TCF7L2: variants seen among roughly 807,000 people sequenced by gnomAD.
TCF7L2 encodes the protein transcription factor 7 like 2, also known as transcription factor 7-like 2.
A neutral mutation model predicts 77.9 loss-of-function variants in TCF7L2; 23 were observed. The observed-to-expected ratio is 0.30, with a 90% CI of 0.21 to 0.42. The LOEUF is 0.42. TCF7L2 is among the 10% of genes least tolerant of loss of function. The pLI is 1.00. For synonymous variants in TCF7L2, 413 were observed against 340.2 expected (o/e 1.21, Z -2.36); for missense variants, 654 against 793.1 (o/e 0.82, Z 2.11).
intron 4 of TCF7L2, among the ~76,000 whole-genome samples, chr10:113,025,589 C>G (rs993278659): frequency 1.3e-5 from 2 of 152,060 alleles, no homozygotes; most frequent in Non-Finnish European, 1.5e-5. Flanking sequence ...CTATGTTGCC[C>G]AGGTTGGTCT....
intron 4 of TCF7L2, among the ~76,000 whole-genome samples, chr10:112,990,521 A>C (rs2042338925): frequency 6.6e-6 from 1 of 151,874 alleles, no homozygotes; most frequent in African/African-American, 2.4e-5. Context: ...AGCCTAGACA[A>C]CATGGCAAAA....
At chr10:113,000,204 A>ATCT (rs1483878200) in intron 4 of TCF7L2, among the ~76,000 whole-genome samples, 4 of 152,178 alleles carry the variant, frequency 2.6e-5, no homozygotes, top group Non-Finnish European at 5.9e-5. Context: ...ATCTGAGACG[A>ATCT]GTCTCACTCT....
At chr10:113,141,040 G>C (rs1174565132) in intron 5 of TCF7L2, 144 bp from the exon 6 acceptor site, 2 of 918,974 alleles carry the variant, frequency 2.2e-6, no homozygotes, top group African/African-American at 1.7e-5. Context: ...GGACTGGGGG[G>C]AGTATGGGAT....
chr10:112,962,374 G>A (rs2035486864), intron 3 of TCF7L2, among the ~76,000 whole-genome samples: 1 of 99,994 alleles, frequency 1.0e-5, no homozygotes, highest in Non-Finnish European at 1.9e-5. Flanking sequence ...TGCCTACTCT[G>A]CTTTGAAGGA....
At chr10:113,002,685 G>T (rs1259801431) in intron 4 of TCF7L2, among the ~76,000 whole-genome samples, 1 of 152,162 alleles carries the variant, frequency 6.6e-6, no homozygotes, top group African/African-American at 2.4e-5. Flanking sequence ...ATGGAAAATA[G>T]CCCTTAGAAC....
At chr10:113,044,615 C>A (rs148739475) in intron 5 of TCF7L2, among the ~76,000 whole-genome samples, 302 of 152,314 alleles carry the variant, frequency 2.0e-3, no homozygotes, top group African/African-American at 6.7e-3. Flanking sequence ...CCAGGGGGAC[C>A]TGATTTCGGC....
At chr10:113,083,291 C>CACACAG (rs1179614829) in intron 5 of TCF7L2, among the ~76,000 whole-genome samples, 1 of 150,408 alleles carries the variant, frequency 6.6e-6, no homozygotes, top group African/African-American at 2.4e-5. Context: ...CACACACACA[C>CACACAG]ACGTGCAAGT....
At chr10:113,113,582 T>A (rs1044497383) in intron 5 of TCF7L2, among the ~76,000 whole-genome samples, 6 of 152,176 alleles carry the variant, frequency 3.9e-5, no homozygotes, top group Non-Finnish European at 1.5e-5. Context: ...TTCACCCCCT[T>A]TAGAATTTGT....
intron 5 of TCF7L2, among the ~76,000 whole-genome samples, chr10:113,044,059 G>C (rs2052975886): frequency 1.3e-5 from 2 of 152,150 alleles, no homozygotes; most frequent in African/African-American, 4.8e-5. Flanking sequence ...TTTTGAAGTC[G>C]ATGTAGAATT....
intron 5 of TCF7L2, among the ~76,000 whole-genome samples, chr10:113,090,640 T>G (rs2060283032): frequency 6.6e-6 from 1 of 152,226 alleles, no homozygotes; most frequent in Admixed American, 6.5e-5. Context: ...AGATAGAGTC[T>G]CGCTCTGTTG....
At chr10:112,970,464 G>T (rs1266901324) in intron 4 of TCF7L2, among the ~76,000 whole-genome samples, 1 of 151,816 alleles carries the variant, frequency 6.6e-6, no homozygotes, top group Non-Finnish European at 1.5e-5. Context: ...ACTAACTGGA[G>T]AGTGTCCTTA....
chr10:112,954,928 C>G (rs1460673162), intron 3 of TCF7L2, among the ~76,000 whole-genome samples: 1 of 152,114 alleles, frequency 6.6e-6, no homozygotes, highest in East Asian at 1.9e-4. Flanking sequence ...TAAAGGAAAC[C>G]GAGAGGGGCC....
At chr10:113,093,479 T>C (rs1214921187) in intron 5 of TCF7L2, among the ~76,000 whole-genome samples, 2 of 152,232 alleles carry the variant, frequency 1.3e-5, no homozygotes, top group Non-Finnish European at 2.9e-5. Context: ...GGAGGAAATT[T>C]TGTTTCAGGA....
intron 3 of TCF7L2, among the ~76,000 whole-genome samples, chr10:112,957,155 C>A (rs1430843514): frequency 7.7e-6 from 1 of 129,642 alleles, no homozygotes; most frequent in South Asian, 2.5e-4. Flanking sequence ...TTTTTCCTTT[C>A]TTTCTCTTTT....
At chr10:113,137,521 G>A (rs2067605340) in intron 5 of TCF7L2, among the ~76,000 whole-genome samples, 1 of 152,186 alleles carries the variant, frequency 6.6e-6, no homozygotes. Context: ...GAAAACTCGG[G>A]TCTTCCTTGA....
At chr10:113,043,388 T>C (rs1467673281) in intron 5 of TCF7L2, among the ~76,000 whole-genome samples, 3 of 152,224 alleles carry the variant, frequency 2.0e-5, no homozygotes, top group South Asian at 2.1e-4. Flanking sequence ...TCAAATGATA[T>C]TTACATTAAG....
intron 4 of TCF7L2, among the ~76,000 whole-genome samples, chr10:113,030,896 G>C (rs551340951): frequency 6.6e-6 from 1 of 152,196 alleles, no homozygotes; most frequent in African/African-American, 2.4e-5. Context: ...AGATGGCTAG[G>C]TCTGGGCCTC....
chr10:113,071,855 C>G (rs914021059), intron 5 of TCF7L2, among the ~76,000 whole-genome samples: 1 of 152,194 alleles, frequency 6.6e-6, no homozygotes, highest in African/African-American at 2.4e-5. Flanking sequence ...CCCCCCCACC[C>G]CCCATGAGTG....
At chr10:113,138,657 T>C (rs1176194146) in intron 5 of TCF7L2, among the ~76,000 whole-genome samples, 1 of 152,182 alleles carries the variant, frequency 6.6e-6, no homozygotes, top group Non-Finnish European at 1.5e-5. Flanking sequence ...AACAAACTTA[T>C]CATGTGCTAG....
Sources: gnomAD v4.1 joint callset for allele counts (sites outside exome capture counted in the v4.1 genomes callset) on GRCh38, gnomAD v4.1.1 for gene constraint, MANE v1.5 for transcripts, NCBI Gene and HGNC (gene_info 2026-07-23, HGNC 2026-07-21) for gene names.